CDK2: variants seen among roughly 807,000 people sequenced by gnomAD.
CDK2 encodes cyclin dependent kinase 2, also known as cyclin-dependent kinase 2.
CDK2 carries 8 observed loss-of-function variants against 35.0 expected under a neutral mutation model. That is an observed-to-expected ratio of 0.23 (90% CI 0.13 to 0.41). The LOEUF is 0.41. Among genes scored for constraint, CDK2 ranks in the 10% least tolerant of loss-of-function variants. CDK2 has a pLI of 1.00. For synonymous variants in CDK2, 134 were observed against 137.7 expected, an observed-to-expected ratio of 0.97 and a Z score of 0.19; for missense variants, 201 against 367.1, an observed-to-expected ratio of 0.55 and a Z score of 3.70.
At chr12:55,968,003 TTCTC>T (rs1158122618) in intron 2 of CDK2, 42 bp from the exon 3 acceptor site, 1 of 1,613,558 alleles carries the variant, frequency 6.2e-7, no homozygotes, top group African/African-American at 1.3e-5. Flanking sequence ...GTGTGGGCAT[TTCTC>T]TCTCTCACAC....
At chr12:55,967,791 A>T in intron 1 of CDK2, 66 bp from the exon 2 acceptor site, 1 of 1,360,282 alleles carries the variant, frequency 7.4e-7, no homozygotes, top group Non-Finnish European at 1.1e-6. Context: ...GAAAGAAATG[A>T]CTAGGTGGGG....
At chr12:55,970,827 G>A (rs1889453460) in intron 5 of CDK2, 1 of 695,434 alleles carries the variant, frequency 1.4e-6, no homozygotes, top group Non-Finnish European at 2.6e-6. Flanking sequence ...TTGGGGATCT[G>A]CAAAGCCATG....
At chr12:55,967,797 TG>T (rs1036197560) in intron 1 of CDK2, 59 bp from the exon 2 acceptor site, 75 of 1,392,520 alleles carry the variant, frequency 5.4e-5, no homozygotes, top group Middle Eastern at 1.8e-4. Context: ...AATGACTAGG[TG>T]GGGGGGAAAG....
chr12:55,971,324 C>G, intron 6 of CDK2, 77 bp downstream of exon 6: 2 of 1,423,214 alleles, frequency 1.4e-6, no homozygotes, highest in South Asian at 2.3e-5. Flanking sequence ...AGGATGAGAC[C>G]CTGAAATCTG....
intron 1 of CDK2, 161 bp from the exon 2 acceptor site, chr12:55,967,696 C>A (rs958013388): frequency 3.1e-6 from 2 of 636,108 alleles, no homozygotes; most frequent in Non-Finnish European, 5.6e-6. Context: ...AAAACCACAC[C>A]CTGACTACCC....
Position 55,966,984 on chromosome 12 carries a change from G to A in CDK2, c.-25G>A. On this transcript the variant is annotated 5_prime_UTR_variant, in exon 1 of 7. Transcript: ENST00000266970. ...TTCCCAGGCCCCCGCTCCAGGGCCG[G>A]GCTGACCCGACTCGCTGGCGCTTCA... is the stretch of plus-strand genomic sequence containing the variant. 1 of 1,580,806 alleles carries A rather than the reference G, an allele frequency of 6.3e-7. No individual in the cohort carries two copies. Among genetic ancestry groups the A allele is most frequent in the Non-Finnish European group, 8.6e-7 (1 of 1,156,664 alleles).
intron 5 of CDK2, chr12:55,970,820 G>A: frequency 1.4e-6 from 1 of 695,850 alleles, no homozygotes; most frequent in South Asian, 1.5e-5. Context: ...CCCAGCCTTG[G>A]GGATCTGCAA....
rs150844112 is a variant in CDK2 at position 55,971,676 on chromosome 12, G to T, written c.*51G>T. ...AATCTCACCCTCTCCTCCAGTGTGG[G>T]CTTGACCAGGCTTGGCCTTGGGCTA... is the stretch of plus-strand genomic sequence containing the variant. On this transcript the variant is annotated 3_prime_UTR_variant, in exon 7 of 7. Transcript: ENST00000266970. 290 of 1,360,060 alleles carry T rather than the reference G, an allele frequency of 2.1e-4. 2 individuals carry two copies. The Middle Eastern group carries it at 7.3e-3, about 34-fold the overall frequency. The allele number at this position is 1,360,060 out of a possible 1,614,324, so 84.2% of individuals were successfully genotyped here.
In CDK2 at chr12:55,968,760, C is replaced by G. The variant is rs1029725166; in HGVS notation, c.316-18C>G. On this transcript the variant is annotated intron_variant, in intron 3 of 6. Coordinates refer to ENST00000266970, the MANE Select transcript of CDK2 (RefSeq NM_001798.5). ...CACTGTAATGGAGAAACACAGTCCT[C>G]TCTTTCTCCTTTGTCAGAGCTATCT... is the stretch of plus-strand genomic sequence containing the variant. 1.9e-6 allele frequency: 3 copies of G among 1,572,780 alleles called. No homozygotes were observed. The South Asian group carries it at 3.5e-5, about 18-fold the overall frequency.
Position 55,968,945 on chromosome 12 carries a change from T to C in CDK2, c.483T>C (p.His161=). 1.3e-6 allele frequency: 2 copies of C among 1,587,326 alleles called. No homozygotes were observed. The highest frequency in any genetic ancestry group is 1.7e-6 in the Non-Finnish European group (2 of 1,168,846). ...GAGTCCCTGTTCGTACTTACACCCA[T>C]GAGGTGAGTCCCTTTATGTCTTTTT... ...AFGVPVRTYT[H]EVVTLWYRAP... is the part of the protein sequence containing the mutation. The change falls in exon 4 of 7, where the codon CAT becomes CAC. Residue 161 remains histidine, a synonymous_variant. Coordinates refer to ENST00000266970, the MANE Select transcript of CDK2 (RefSeq NM_001798.5).
At chr12:55,968,375 AGTG>A in intron 3 of CDK2, 1 of 572,662 alleles carries the variant, frequency 1.7e-6, no homozygotes, top group Non-Finnish European at 3.0e-6. Flanking sequence ...TTGAAACTCT[AGTG>A]AGTCAACCTA....
chr12:55,972,585 G>T lies in CDK2; in HGVS notation c.*960G>T, dbSNP rs1387772739. ...CAGGTTATATCCAATAGTAGAGTTG[G>T]CTTTTTTTTTTTTTTTTTGGTCATA... On this transcript the variant is annotated 3_prime_UTR_variant, in exon 7 of 7. Transcript: ENST00000266970. 2 of 140,280 alleles carry T rather than the reference G, an allele frequency of 1.4e-5. No homozygotes were observed. Among genetic ancestry groups the T allele is most frequent in the East Asian group, 2.0e-4 (1 of 4,972 alleles). 8.7% of individuals were successfully genotyped at this position (140,280 alleles called of 1,614,324 possible).
chr12:55,971,562 G>C lies in CDK2; in HGVS notation c.834G>C (p.Lys278Asn). The C allele has an allele frequency of 6.2e-7, 1 of 1,614,170 alleles. No homozygotes were observed. The highest frequency in any genetic ancestry group is 1.1e-5 in the South Asian group (1 of 91,084). The change falls in exon 7 of 7, where the codon AAG becomes AAC. Residue 278 changes from lysine to asparagine, a missense_variant. Lys to Asn is a moderately conservative substitution (Grantham distance 94, BLOSUM62 0). Transcript: ENST00000266970. ...ACCCTAACAAGCGGATTTCGGCCAA[G>C]GCAGCCCTGGCTCACCCTTTCTTCC... ...HYDPNKRISA[K>N]AALAHPFFQD...
chr12:55,970,516 G>A (rs1288298577), intron 5 of CDK2: 1 of 660,604 alleles, frequency 1.5e-6, no homozygotes. Flanking sequence ...CTATACATAT[G>A]TAATGTGCAT....
chr12:55,972,580 A>G lies in CDK2; in HGVS notation c.*955A>G, dbSNP rs1390981972. The G allele has an allele frequency of 3.6e-5, 5 of 138,592 alleles. No individual in the cohort carries two copies. Among genetic ancestry groups the G allele is most frequent in the Non-Finnish European group, 6.1e-5 (4 of 65,278 alleles). 8.6% of individuals were successfully genotyped at this position (138,592 alleles called of 1,614,324 possible). A position where few individuals can be genotyped will look rare whatever the true frequency, so the allele number is the denominator to read the frequency against. ...TATTTCAGGTTATATCCAATAGTAG[A>G]GTTGGCTTTTTTTTTTTTTTTTTGG... On this transcript the variant is annotated 3_prime_UTR_variant, in exon 7 of 7. Transcript: ENST00000266970.
chr12:55,968,735 C>T (rs1299710531), intron 3 of CDK2, 43 bp from the exon 4 acceptor site: 24 of 1,502,080 alleles, frequency 1.6e-5, no homozygotes, highest in Non-Finnish European at 2.1e-5. Flanking sequence ...CCAGTCTGCT[C>T]ACTGTAATGG....
chr12:55,968,241 T>C (rs1889386771), intron 3 of CDK2, 72 bp downstream of exon 3: 7 of 1,578,172 alleles, frequency 4.4e-6, no homozygotes, highest in Non-Finnish European at 5.2e-6. Context: ...TTCAGGGTGA[T>C]ATTTTATGAT....
intron 1 of CDK2, 71 bp from the exon 2 acceptor site, chr12:55,967,785 GA>G: frequency 1.5e-6 from 2 of 1,325,278 alleles, no homozygotes; most frequent in Non-Finnish European, 2.2e-6. Context: ...TTGGGGGAAA[GA>G]AATGACTAGG....
In CDK2 at chr12:55,969,590, C is replaced by G; in HGVS notation, c.588+14C>G. 2.0e-6 allele frequency: 3 copies of G among 1,522,174 alleles called. No individual in the cohort carries two copies. The highest frequency in any genetic ancestry group is 2.7e-6 in the Non-Finnish European group (3 of 1,106,168). 94.3% of individuals were successfully genotyped at this position (1,522,174 alleles called of 1,614,324 possible). On this transcript the variant is annotated intron_variant, in intron 5 of 6. Coordinates refer to ENST00000266970, the MANE Select transcript of CDK2 (RefSeq NM_001798.5). ...TTTGCTGAGATGGTATGGAGGCTTGCCCAAGTTCCACCCAGCCCCCTCCCT... is the reference window on the plus strand; with the variant it reads ...TTTGCTGAGATGGTATGGAGGCTTGGCCAAGTTCCACCCAGCCCCCTCCCT...
Sources: gnomAD v4.1 joint callset for allele counts on GRCh38, gnomAD v4.1.1 for gene constraint, MANE v1.5 for transcripts, NCBI Gene and HGNC (gene_info 2026-07-23, HGNC 2026-07-21) for gene names.